Variants in HIF1A observed in about 807,000 individuals in gnomAD.
HIF1A encodes the protein hypoxia-inducible factor 1-alpha.
In HIF1A, 24 loss-of-function variants were observed where a neutral mutation model predicts 92.7. The ratio of observed to expected loss-of-function variants is 0.26; its 90% CI spans 0.19 to 0.36. HIF1A has a LOEUF of 0.36. Ranked by LOEUF, HIF1A falls within the 10% of genes least tolerant of loss-of-function variation. The pLI is 1.00. For synonymous variants in HIF1A, 319 were observed against 338.7 expected, an observed-to-expected ratio of 0.94 and a Z score of 0.64; for missense variants, 799 against 998.5, an observed-to-expected ratio of 0.80 and a Z score of 2.69.
At chr14:61,732,944 T>G (rs747714371) in intron 7 of HIF1A, among the ~76,000 whole-genome samples, 11 of 152,144 alleles carry the variant, frequency 7.2e-5, no homozygotes, top group Non-Finnish European at 1.6e-4. Flanking sequence ...AGTGCATAGT[T>G]AGGTATTTAT....
chr14:61,727,608 C>G lies in HIF1A; in HGVS notation c.726C>G (p.Phe242Leu). ...AAATTCCTTTAGATAGCAAGACTTT[C>G]CTCAGTCGACACAGCCTGGATATGA... ...NIEIPLDSKT[F>L]LSRHSLDMKF... Residue 242 changes from phenylalanine to leucine, a missense_variant, in exon 6 of 15, where the codon TTC becomes TTG. Physicochemically the swap from Phe to Leu is conservative, Grantham distance 22. Transcript: ENST00000337138. 1.2e-6 allele frequency: 2 copies of G among 1,613,748 alleles called. No homozygotes were observed. The highest frequency in any genetic ancestry group is 1.7e-6 in the Non-Finnish European group (2 of 1,179,720).
chr14:61,707,552 C>T (rs1351019338), intron 1 of HIF1A, among the ~76,000 whole-genome samples: 5 of 151,798 alleles, frequency 3.3e-5, no homozygotes, highest in South Asian at 4.2e-4. Flanking sequence ...TGAGAACACG[C>T]GGTGTTTGGT....
At chr14:61,732,312 C>A in intron 6 of HIF1A, 106 bp from the exon 7 acceptor site, 1 of 687,206 alleles carries the variant, frequency 1.5e-6, no homozygotes, top group Non-Finnish European at 2.6e-6. Flanking sequence ...TTTGAAAATT[C>A]ACTTGTCCAT....
chr14:61,734,885 A>C (rs562125646), intron 8 of HIF1A, among the ~76,000 whole-genome samples: 22 of 152,362 alleles, frequency 1.4e-4, no homozygotes, highest in African/African-American at 5.1e-4. Flanking sequence ...CGTTGTGCAC[A>C]TGCACCCTAG....
chr14:61,723,718 A>G (rs1482235994), intron 4 of HIF1A, among the ~76,000 whole-genome samples: 2 of 152,232 alleles, frequency 1.3e-5, no homozygotes, highest in Non-Finnish European at 2.9e-5. Flanking sequence ...GGGCTAGACT[A>G]TAAATGGATG....
rs1384654730 is a variant in HIF1A, at chr14:61,741,157, C to G, written c.2062C>G (p.Pro688Ala). 1 of 1,608,990 alleles carries G rather than the reference C, an allele frequency of 6.2e-7. No homozygotes were observed. The highest frequency in any genetic ancestry group is 8.5e-7 in the Non-Finnish European group (1 of 1,178,526). Residue 688 changes from proline (P) to alanine (A), a missense_variant, in exon 12 of 15, where the codon CCT (proline) becomes GCT (alanine). Physicochemically the swap from Pro to Ala is conservative, Grantham distance 27. Coordinates refer to ENST00000337138, the MANE Select transcript of HIF1A (RefSeq NM_001530.4). ...GACAGAAAAATCTCATCCAAGAAGC[C>G]CTAACGTGTTATCTGTCGCTTTGAG... is the stretch of plus-strand genomic sequence containing the variant. ...EQTEKSHPRS[P>A]NVLSVALSQR...
intron 12 of HIF1A, among the ~76,000 whole-genome samples, chr14:61,743,566 CTATA>C (rs1364954388): frequency 6.6e-6 from 1 of 152,112 alleles, no homozygotes; most frequent in Non-Finnish European, 1.5e-5. Context: ...ACTTCCCTGT[CTATA>C]TAATAGAAGT....
At chr14:61,720,839 A>G (rs562199530) in intron 2 of HIF1A, among the ~76,000 whole-genome samples, 1 of 152,208 alleles carries the variant, frequency 6.6e-6, no homozygotes, top group South Asian at 2.1e-4. Context: ...TTCTTTTCTA[A>G]TATAACATCC....
chr14:61,710,359 A>G (rs554066458), intron 1 of HIF1A, among the ~76,000 whole-genome samples: 9 of 152,310 alleles, frequency 5.9e-5, no homozygotes, highest in African/African-American at 2.2e-4. Context: ...GTGAAGGTAG[A>G]GACTTGGTCT....
chr14:61,696,342 C>G (rs1257669015), intron 1 of HIF1A, among the ~76,000 whole-genome samples: 4 of 152,252 alleles, frequency 2.6e-5, no homozygotes, highest in African/African-American at 7.2e-5. Flanking sequence ...TTCCAGTGGA[C>G]TTGGGGCCTT....
At chr14:61,735,249 C>T (rs1320140729) in intron 8 of HIF1A, among the ~76,000 whole-genome samples, 2 of 152,196 alleles carry the variant, frequency 1.3e-5, no homozygotes, top group Admixed American at 6.5e-5. Context: ...TACCATCATA[C>T]TCACGCATTA....
At chr14:61,718,015 C>A in intron 1 of HIF1A, among the ~76,000 whole-genome samples, 1 of 92,896 alleles carries the variant, frequency 1.1e-5, no homozygotes, top group African/African-American at 2.6e-5. Context: ...GAGCAGAACT[C>A]CATTAAAAAA....
intron 9 of HIF1A, 122 bp downstream of exon 9, chr14:61,737,231 T>TA: frequency 1.5e-6 from 1 of 667,422 alleles, no homozygotes; most frequent in Non-Finnish European, 2.5e-6. Context: ...AATATATGTT[T>TA]ATAGTTTTCT....
In HIF1A at chr14:61,736,940, C is replaced by T. The variant is rs201655618; in HGVS notation, c.1080C>T (p.Val360=). ...TCTCCCTTCAACAAACAGAATGTGT[C>T]CTTAAACCGGTTGAATCTTCAGATA... ...LIFSLQQTEC[V]LKPVESSDMK... The change falls in exon 9 of 15, where the codon GTC becomes GTT. Residue 360 remains valine (V), a synonymous_variant. Transcript: ENST00000337138. 4.3e-5 allele frequency: 69 copies of T among 1,614,052 alleles called. 1 individual carries two copies. The African/African-American group carries it at 5.9e-4, about 14-fold the overall frequency.
chr14:61,716,284 A>T (rs975637803), intron 1 of HIF1A, among the ~76,000 whole-genome samples: 1 of 152,210 alleles, frequency 6.6e-6, no homozygotes, highest in Non-Finnish European at 1.5e-5. Flanking sequence ...ATTTTAAAAA[A>T]TTTCAGTAGC....
chr14:61,738,253 A>G lies in HIF1A; in HGVS notation c.1416A>G (p.Gln472=), dbSNP rs771955278. 47 of 1,614,086 alleles carry G rather than the reference A, an allele frequency of 2.9e-5. No individual in the cohort carries two copies. Among genetic ancestry groups the G allele is most frequent in the Non-Finnish European group, 3.9e-5 (46 of 1,180,040 alleles). ...LRSSADPALN[Q]EVALKLEPNP... ...GTAGTGCTGACCCTGCACTCAATCA[A>G]GAAGTTGCATTAAAATTAGAACCAA... Residue 472 remains glutamine, a synonymous_variant, in exon 10 of 15, where the codon CAA becomes CAG. Transcript: ENST00000337138.
chr14:61,721,527 A>T lies in HIF1A; in HGVS notation c.245A>T (p.Asp82Val). 1 of 1,613,210 alleles carries T rather than the reference A, an allele frequency of 6.2e-7. No homozygotes were observed. The highest frequency in any genetic ancestry group is 8.5e-7 in the Non-Finnish European group (1 of 1,179,434). Residue 82 changes from aspartate to valine, a missense_variant, in exon 3 of 15, where the codon GAT (aspartate) becomes GTT (valine). Asp to Val is a radical substitution (Grantham distance 152). This residue lies in a region of HIF1A where 516 missense variants were observed against 721.0 expected (regional missense o/e 0.72). Coordinates refer to ENST00000337138, the MANE Select transcript of HIF1A (RefSeq NM_001530.4). ...LLDAGDLDIE[D>V]DMKAQMNCFY... is the part of the protein sequence containing the mutation. Reference sequence around the variant, plus strand: ...TTTTTAGGTGATTTGGATATTGAAGATGACATGAAAGCACAGATGAATTGC... The same window carrying T: ...TTTTTAGGTGATTTGGATATTGAAGTTGACATGAAAGCACAGATGAATTGC...
At chr14:61,729,506 T>G (rs2044549683) in intron 6 of HIF1A, among the ~76,000 whole-genome samples, 1 of 151,456 alleles carries the variant, frequency 6.6e-6, no homozygotes, top group African/African-American at 2.4e-5. Flanking sequence ...AAGGATGTTG[T>G]CAGGATTAAA....
At chr14:61,737,180 C>A in intron 9 of HIF1A, 71 bp downstream of exon 9, 1 of 1,035,416 alleles carries the variant, frequency 9.7e-7, no homozygotes, top group Non-Finnish European at 1.5e-6. Context: ...CTAAACATTA[C>A]TTTACGGTTT....
Sources: allele counts gnomAD v4.1 joint callset (sites outside exome capture counted in the v4.1 genomes callset), GRCh38; gene constraint gnomAD v4.1.1; regional missense constraint gnomAD v4.1.1; transcripts MANE v1.5; gene names NCBI Gene and HGNC (gene_info 2026-07-23, HGNC 2026-07-21).